The following ACAP2 variants were observed in gnomAD, a reference collection of about 807,000 sequenced individuals.
ACAP2 encodes ArfGAP with coiled-coil, ankyrin repeat and PH domains 2.
Under a neutral mutation model 115.8 loss-of-function variants are expected in ACAP2, and 39 were observed. The ratio of observed to expected loss-of-function variants is 0.34; its 90% confidence interval spans 0.26 to 0.44. The LOEUF is 0.44. ACAP2 is among the 20% of genes least tolerant of loss of function. The pLI, the probability that ACAP2 is intolerant of heterozygous loss-of-function variation, is 1.00. For missense variants in ACAP2, 662 were observed against 927.6 expected, an observed-to-expected ratio of 0.71 and a Z score of 3.72; for synonymous variants, 289 against 315.8, an observed-to-expected ratio of 0.92 and a Z score of 0.90.
intron 13 of ACAP2, among the ~76,000 whole-genome samples, chr3:195,304,713 A>T (rs140540601): frequency 6.6e-6 from 1 of 152,236 alleles, no homozygotes; most frequent in Non-Finnish European, 1.5e-5. Context: ...ATAGCTATGC[A>T]GGAGATCAAT....
chr3:195,376,476 G>A (rs1396811429), intron 4 of ACAP2, among the ~76,000 whole-genome samples: 2 of 152,090 alleles, frequency 1.3e-5, no homozygotes, highest in Non-Finnish European at 2.9e-5. Flanking sequence ...CTGGAAGGTG[G>A]AAGTTGCAGT....
At chr3:195,303,699 G>T (rs1237165581) in intron 13 of ACAP2, among the ~76,000 whole-genome samples, 1 of 152,196 alleles carries the variant, frequency 6.6e-6, no homozygotes, top group Non-Finnish European at 1.5e-5. Context: ...AGCCCAGGAG[G>T]TCAAGGCTGC....
intron 4 of ACAP2, among the ~76,000 whole-genome samples, chr3:195,376,639 A>G (rs1177915639): frequency 6.6e-6 from 1 of 151,750 alleles, no homozygotes; most frequent in Non-Finnish European, 1.5e-5. Context: ...CCATTTTTAC[A>G]GATAAATAAA....
chr3:195,320,879 C>A, intron 9 of ACAP2, 66 bp from the exon 10 acceptor site: 2 of 1,079,488 alleles, frequency 1.9e-6, no homozygotes, highest in South Asian at 1.4e-5. Flanking sequence ...AGAAATGGAT[C>A]CTAAGAAAAG....
At chr3:195,401,631 C>A (rs1215296005) in intron 1 of ACAP2, among the ~76,000 whole-genome samples, 1 of 152,138 alleles carries the variant, frequency 6.6e-6, no homozygotes, top group South Asian at 2.1e-4. Context: ...TGTGCCACTG[C>A]GCTCCAGCTT....
intron 4 of ACAP2, among the ~76,000 whole-genome samples, chr3:195,369,736 T>C (rs1319578731): frequency 6.6e-6 from 1 of 152,228 alleles, no homozygotes; most frequent in African/African-American, 2.4e-5. Flanking sequence ...CATGTGTCTC[T>C]ATGGTAGAAT....
intron 13 of ACAP2, among the ~76,000 whole-genome samples, chr3:195,304,118 C>G (rs1277708149): frequency 8.3e-6 from 1 of 119,834 alleles, no homozygotes; most frequent in Non-Finnish European, 1.6e-5. Flanking sequence ...GAGCTGAGAC[C>G]GTGCCCCTGC....
intron 1 of ACAP2, among the ~76,000 whole-genome samples, chr3:195,422,037 T>C (rs533465511): frequency 6.6e-6 from 1 of 152,306 alleles, no homozygotes; most frequent in African/African-American, 2.4e-5. Flanking sequence ...ACATACAAGT[T>C]AACCTTCCAG....
At chr3:195,442,685 G>A in intron 1 of ACAP2, 110 bp downstream of exon 1, 1 of 1,207,490 alleles carries the variant, frequency 8.3e-7, no homozygotes, top group Non-Finnish European at 1.1e-6. Context: ...CGCTCGCCCC[G>A]TCGGAAGGAG....
At chr3:195,304,798 G>A (rs1175260368) in intron 13 of ACAP2, among the ~76,000 whole-genome samples, 2 of 152,152 alleles carry the variant, frequency 1.3e-5, no homozygotes, top group African/African-American at 4.8e-5. Context: ...TCAACAAATG[G>A]TCCAGACTTA....
At chr3:195,283,091 C>T (rs1034516051) in intron 22 of ACAP2, among the ~76,000 whole-genome samples, 1 of 152,092 alleles carries the variant, frequency 6.6e-6, no homozygotes, top group South Asian at 2.1e-4. Context: ...CTCACATAAC[C>T]AGTAGCGGGT....
Position 195,306,500 on chromosome 3 carries a change from C to A in ACAP2, c.1116+11G>T, listed in dbSNP as rs771223667. The A allele has an allele frequency of 1.3e-6, 2 of 1,576,774 alleles. No individual in the cohort carries two copies. The highest frequency in any genetic ancestry group is 1.2e-5 in the South Asian group (1 of 85,958). ...AATATATTATCTGGTATTGCTAATACCTCTACTAACCTCTGATTCATCACC... is the reference window on the plus strand; with the variant it reads ...AATATATTATCTGGTATTGCTAATAACTCTACTAACCTCTGATTCATCACC... On this transcript the variant is annotated intron_variant, in intron 13 of 22. Coordinates refer to ENST00000326793, the MANE Select transcript of ACAP2 (RefSeq NM_012287.6).
At chr3:195,419,248 C>T (rs1713981479) in intron 1 of ACAP2, among the ~76,000 whole-genome samples, 2 of 152,180 alleles carry the variant, frequency 1.3e-5, no homozygotes, top group African/African-American at 4.8e-5. Context: ...TCTTTCCCTG[C>T]GCCCAGCCCT....
chr3:195,336,983 GA>G lies in ACAP2; in HGVS notation c.529-8del, dbSNP rs759530360. 1 of 1,609,200 alleles carries G rather than the reference GA, an allele frequency of 6.2e-7. No individual in the cohort carries two copies. The highest frequency in any genetic ancestry group is 8.5e-7 in the Non-Finnish European group (1 of 1,177,554). On this transcript the variant is annotated splice_region_variant and splice_polypyrimidine_tract_variant and intron_variant, in intron 6 of 22. Transcript: ENST00000326793. The stretch of plus-strand genomic sequence containing the variant: ...TTGATTGAAGAACATTAATCTGAGG[GA>G]AAACACACGTGGTTAATCACCCATG...
At chr3:195,315,848 A>G (rs1729052958) in intron 10 of ACAP2, among the ~76,000 whole-genome samples, 1 of 152,216 alleles carries the variant, frequency 6.6e-6, no homozygotes, top group Non-Finnish European at 1.5e-5. Flanking sequence ...CTGCATTTTA[A>G]TATCTATGCC....
Position 195,292,403 on chromosome 3 carries a change from A to G in ACAP2, c.1815T>C (p.Asn605=). 1 of 1,613,206 alleles carries G rather than the reference A, an allele frequency of 6.2e-7. No homozygotes were observed. The highest frequency in any genetic ancestry group is 8.5e-7 in the Non-Finnish European group (1 of 1,179,808). The change falls in exon 19 of 23, where the codon AAT becomes AAC. Residue 605 remains asparagine (N), a synonymous_variant. Transcript: ENST00000326793. ...SSMFLDSKHL[N]PGLQLYRASY... ...ACGCCCTATAAAGCTGAAGTCCTGGATTAAGATGTTTCGAGTCAAGAAACA... is the reference window on the plus strand; with the variant it reads ...ACGCCCTATAAAGCTGAAGTCCTGGGTTAAGATGTTTCGAGTCAAGAAACA...
At chr3:195,320,454 C>CTCCTTGCTTCCTTATTTAA (rs565083037) in intron 10 of ACAP2, among the ~76,000 whole-genome samples, 55 of 152,252 alleles carry the variant, frequency 3.6e-4, no homozygotes, top group African/African-American at 1.2e-3. Flanking sequence ...TATAAAAATT[C>CTCCTTGCTTCCTTATTTAA]TCCTTGCTTC....
chr3:195,346,240 A>G (rs1731180532), intron 4 of ACAP2, among the ~76,000 whole-genome samples: 1 of 152,190 alleles, frequency 6.6e-6, no homozygotes, highest in African/African-American at 2.4e-5. Context: ...CAAAGTAAGC[A>G]GAAGAAAGAA....
intron 1 of ACAP2, among the ~76,000 whole-genome samples, chr3:195,430,596 T>A (rs1224057457): frequency 6.6e-6 from 1 of 152,064 alleles, no homozygotes; most frequent in Non-Finnish European, 1.5e-5. Flanking sequence ...ACGCCTATAA[T>A]CCCAGCTACT....
Sources: allele counts gnomAD v4.1 joint callset (sites outside exome capture counted in the v4.1 genomes callset), GRCh38; gene constraint gnomAD v4.1.1; transcripts MANE v1.5; gene names NCBI Gene and HGNC (gene_info 2026-07-23, HGNC 2026-07-21).